DYSF: variants seen among roughly 807,000 people sequenced by gnomAD.
DYSF encodes dysferlin.
A neutral mutation model predicts 274.9 loss-of-function variants in DYSF; 212 were observed. The ratio of observed to expected loss-of-function variants is 0.77; its 90% confidence interval spans 0.69 to 0.86. DYSF has a LOEUF of 0.86. Ranked by LOEUF, DYSF falls within the 40% of genes least tolerant of loss-of-function variation. The probability of loss-of-function intolerance (pLI) is 0.00; values close to 1 mark genes in which losing one functional copy is unlikely to be tolerated. For synonymous variants in DYSF, 1,091 were observed against 1,078.7 expected, an observed-to-expected ratio of 1.01 and a Z score of -0.22; for missense variants, 2,666 against 2,783.2, an observed-to-expected ratio of 0.96 and a Z score of 0.95.
At chr2:71,661,234 A>G (rs890406019) in intron 45 of DYSF, among the ~76,000 whole-genome samples, 1 of 149,526 alleles carries the variant, frequency 6.7e-6, no homozygotes, top group African/African-American at 2.5e-5. Context: ...ATAATTTTAG[A>G]TTTACTAAAC....
At chr2:71,632,609 A>G (rs565446231) in intron 41 of DYSF, among the ~76,000 whole-genome samples, 70 of 152,304 alleles carry the variant, frequency 4.6e-4, no homozygotes, top group Non-Finnish European at 7.9e-4. Context: ...CCCAGGCCCT[A>G]TTGGAATTGT....
chr2:71,599,350 G>A (rs2093487138), intron 33 of DYSF, among the ~76,000 whole-genome samples: 1 of 152,246 alleles, frequency 6.6e-6, no homozygotes, highest in Admixed American at 6.5e-5. Flanking sequence ...GACTGGTGCA[G>A]CTGAGAAATG....
chr2:71,526,421 C>CTGGGGGGGGGGGGGGGGGTTGGGG, intron 13 of DYSF, 75 bp downstream of exon 13: 1 of 272,074 alleles, frequency 3.7e-6, no homozygotes, highest in Admixed American at 4.8e-5. Flanking sequence ...TGGGCGATGG[C>CTGGGGGGGGGGGGGGGGGTTGGGG]GGGCGGGGTC....
At chr2:71,514,260 G>C (rs999907848) in intron 7 of DYSF, among the ~76,000 whole-genome samples, 3 of 151,930 alleles carry the variant, frequency 2.0e-5, no homozygotes, top group African/African-American at 7.3e-5. Context: ...CAAGCTCCTG[G>C]CTATTCAGGT....
At chr2:71,498,570 C>T (rs544422619) in intron 3 of DYSF, among the ~76,000 whole-genome samples, 8 of 152,340 alleles carry the variant, frequency 5.3e-5, no homozygotes, top group South Asian at 2.1e-4. Context: ...CTCGGAATCC[C>T]GTGGCCTCTG....
chr2:71,641,620 T>A (rs966687836), intron 41 of DYSF, among the ~76,000 whole-genome samples: 4 of 152,180 alleles, frequency 2.6e-5, no homozygotes, highest in Admixed American at 1.3e-4. Context: ...TCCTTTTGTA[T>A]AAAAGTGAAA....
chr2:71,589,441 T>A (rs560201385), intron 30 of DYSF, 152 bp from the exon 31 acceptor site: 39 of 676,000 alleles, frequency 5.8e-5, no homozygotes, highest in African/African-American at 5.7e-4. Context: ...TTAGGAGAGG[T>A]TGAGCTCCCC....
At chr2:71,549,443 G>A (rs368934430) in intron 17 of DYSF, 3 of 1,575,464 alleles carry the variant, frequency 1.9e-6, no homozygotes, top group Middle Eastern at 1.7e-4. Context: ...CTTGGGTTTT[G>A]GCTAGAGGGG....
At chr2:71,478,157 G>T (rs558889014) in intron 1 of DYSF, among the ~76,000 whole-genome samples, 1 of 148,946 alleles carries the variant, frequency 6.7e-6, no homozygotes, top group Non-Finnish European at 1.5e-5. Context: ...AATTTCTAAT[G>T]TAAAAATTCA....
chr2:71,542,277 A>G (rs1000071697), intron 17 of DYSF, among the ~76,000 whole-genome samples: 1 of 152,058 alleles, frequency 6.6e-6, no homozygotes, highest in African/African-American at 2.4e-5. Flanking sequence ...TGGGCTTTCT[A>G]TGTTGCTAAT....
intron 26 of DYSF, among the ~76,000 whole-genome samples, chr2:71,569,160 C>T (rs1023642404): frequency 9.8e-5 from 15 of 152,370 alleles, no homozygotes; most frequent in African/African-American, 2.9e-4. Context: ...AGGCTTGAGC[C>T]ACCGCGCCTG....
At chr2:71,579,531 G>A (rs977966117) in intron 30 of DYSF, among the ~76,000 whole-genome samples, 2 of 152,140 alleles carry the variant, frequency 1.3e-5, no homozygotes, top group African/African-American at 2.4e-5. Flanking sequence ...CAATGCTCCA[G>A]GGGATCCAGG....
intron 30 of DYSF, among the ~76,000 whole-genome samples, chr2:71,581,966 A>C (rs2092911500): frequency 6.6e-6 from 1 of 152,092 alleles, no homozygotes; most frequent in Non-Finnish European, 1.5e-5. Context: ...AATATGGTGA[A>C]ACCCCATCTC....
intron 45 of DYSF, 106 bp from the exon 46 acceptor site, chr2:71,664,162 C>T: frequency 7.0e-7 from 1 of 1,436,816 alleles, no homozygotes; most frequent in Non-Finnish European, 9.7e-7. Flanking sequence ...CTGTAGGGGG[C>T]CCAAGGAAAG....
In DYSF at chr2:71,542,959, C is replaced by T. The variant is rs1055347971; in HGVS notation, c.1576+3720C>T. On this transcript the variant is annotated intron_variant, in intron 17 of 55. Transcript: ENST00000410020. The stretch of plus-strand genomic sequence containing the variant: ...CCCAGAAGGGGCGGCCGGGCAGAGG[C>T]GCCCCCTACCTCCCGGACGGGGCAG... 7.3e-5 allele frequency among the ~76,000 whole-genome samples: 11 copies of T among 149,698 alleles called. No individual in the cohort carries two copies. The East Asian group carries it at 8.1e-4, about 11-fold the overall frequency.
rs141283181 is a variant in DYSF at position 71,593,668 on chromosome 2, A to G, written c.3574+3380A>G. On this transcript the variant is annotated intron_variant, in intron 32 of 55. Coordinates refer to ENST00000410020, the MANE Select transcript of DYSF (RefSeq NM_001130987.2). ...TTCATTGTAGATTGGTGTTTCTCAC[A>G]GGGAACCAGGGAAGAAGGTGTCAAT... 2.0e-4 allele frequency among the ~76,000 whole-genome samples: 30 copies of G among 152,320 alleles called. No homozygotes were observed. In the East Asian group the frequency reaches 5.0e-3, roughly 25 times the overall value.
chr2:71,557,137 A>C (rs1183210867), intron 22 of DYSF, among the ~76,000 whole-genome samples: 1 of 152,234 alleles, frequency 6.6e-6, no homozygotes, highest in Non-Finnish European at 1.5e-5. Context: ...GAGCATACTG[A>C]CAAAGGTACA....
chr2:71,680,252 T>C (rs951839865), intron 53 of DYSF, among the ~76,000 whole-genome samples: 2 of 152,166 alleles, frequency 1.3e-5, no homozygotes, highest in African/African-American at 4.8e-5. Context: ...ACTACTGTAT[T>C]TTTAAATGTG....
chr2:71,608,340 A>G (rs1164019291), intron 36 of DYSF, among the ~76,000 whole-genome samples: 1 of 151,924 alleles, frequency 6.6e-6, no homozygotes, highest in East Asian at 1.9e-4. Flanking sequence ...AAAATTGGGG[A>G]GGAGCATTTG....
Sources: allele counts gnomAD v4.1 joint callset (sites outside exome capture counted in the v4.1 genomes callset), GRCh38; gene constraint gnomAD v4.1.1; transcripts MANE v1.5; gene names NCBI Gene and HGNC (gene_info 2026-07-23, HGNC 2026-07-21).